Variants in TMEM106B observed in about 807,000 individuals in gnomAD.
The protein encoded by TMEM106B is transmembrane protein 106B.
In TMEM106B, 15 loss-of-function variants were observed where a neutral mutation model predicts 31.1. The ratio of observed to expected loss-of-function variants is 0.48; its 90% CI spans 0.32 to 0.74. The LOEUF is 0.74. TMEM106B is among the 30% of genes least tolerant of loss of function. The pLI is 0.03. For synonymous variants in TMEM106B, 126 were observed against 112.5 expected, an observed-to-expected ratio of 1.12 and a Z score of -0.76; for missense variants, 283 against 327.3, an observed-to-expected ratio of 0.86 and a Z score of 1.04.
intron 2 of TMEM106B, among the ~76,000 whole-genome samples, chr7:12,216,380 G>GA (rs5882345): frequency 5.3e-5 from 8 of 150,318 alleles, no homozygotes; most frequent in Non-Finnish European, 7.4e-5. Flanking sequence ...TATTAAAATT[G>GA]AAAAAAAAAA....
At chr7:12,217,991 C>T (rs1781720495) in intron 2 of TMEM106B, among the ~76,000 whole-genome samples, 1 of 152,070 alleles carries the variant, frequency 6.6e-6, no homozygotes, top group Admixed American at 6.6e-5. Flanking sequence ...AAGCTTGAGA[C>T]TTCTACTTCA....
chr7:12,234,934 C>G lies in TMEM106B; in HGVS notation c.*2959C>G, dbSNP rs568967851. ...GGACTGGCTGAAGATCACGTACTTACTAAGTAGTACAACTGGAGCAAGATC... is the reference window on the plus strand; with the variant it reads ...GGACTGGCTGAAGATCACGTACTTAGTAAGTAGTACAACTGGAGCAAGATC... On this transcript the variant is annotated 3_prime_UTR_variant, in exon 8 of 8. Coordinates refer to ENST00000396668, the MANE Select transcript of TMEM106B (RefSeq NM_001134232.2). The G allele has an allele frequency of 6.6e-6, 1 of 151,828 alleles. No homozygotes were observed. Among genetic ancestry groups the G allele is most frequent in the African/African-American group, 2.4e-5 (1 of 41,412 alleles). The allele number at this position is 151,828 out of a possible 1,614,324, so 9.4% of individuals were successfully genotyped here. A position where few individuals can be genotyped will look rare whatever the true frequency, so the allele number is the denominator to read the frequency against.
chr7:12,224,912 C>G (rs753274285), intron 4 of TMEM106B, among the ~76,000 whole-genome samples: 3 of 151,442 alleles, frequency 2.0e-5, no homozygotes, highest in Admixed American at 6.6e-5. Context: ...TACATGTGCA[C>G]AGCATGCAGG....
Position 12,231,928 on chromosome 7 carries a change from C to A in TMEM106B, c.778C>A (p.Gln260Lys). 6.2e-7 allele frequency: 1 copy of A among 1,612,282 alleles called. No homozygotes were observed. The highest frequency in any genetic ancestry group is 8.5e-7 in the Non-Finnish European group (1 of 1,178,782). Residue 260 changes from glutamine to lysine, a missense_variant, in exon 8 of 8, where the codon CAG (glutamine) becomes AAG (lysine). Gln to Lys is a moderately conservative substitution (Grantham distance 53). Transcript: ENST00000396668. ...YVDCGRNTTY[Q>K]LGQSEYLNVL... Reference sequence around the variant, plus strand: ...CGACTGTGGAAGAAACACAACTTATCAGTTGGGGCAGTCTGAATATTTAAA... The same window carrying A: ...CGACTGTGGAAGAAACACAACTTATAAGTTGGGGCAGTCTGAATATTTAAA...
intron 1 of TMEM106B, chr7:12,214,081 G>A (rs1368275749): frequency 6.6e-6 from 1 of 152,118 alleles, no homozygotes; most frequent in African/African-American, 2.4e-5. Context: ...TCGACAGATA[G>A]CAGGCCCTGA....
intron 3 of TMEM106B, among the ~76,000 whole-genome samples, chr7:12,221,469 T>C (rs1781786375): frequency 6.6e-6 from 1 of 152,114 alleles, no homozygotes; most frequent in Non-Finnish European, 1.5e-5. Flanking sequence ...TCAAAGAAAT[T>C]GAATTTTCCA....
intron 5 of TMEM106B, 158 bp from the exon 6 acceptor site, chr7:12,230,216 AAAAAAGAAAAAAAAG>A (rs1781992443): frequency 1.5e-6 from 1 of 650,788 alleles, no homozygotes; most frequent in Admixed American, 2.6e-5. Flanking sequence ...ATCCTGTCTC[AAAAAAGAAAAAAAAG>A]AAAAAGAAAT....
Position 12,225,600 on chromosome 7 carries a change from T to G in TMEM106B, c.441+1215T>G, listed in dbSNP as rs184998949. Among the ~76,000 whole-genome samples the G allele has an allele frequency of 3.7e-3, 562 of 152,356 alleles. 5 individuals carry two copies. Among genetic ancestry groups the G allele is most frequent in the South Asian group, 0.014 (70 of 4,830 alleles). ...GATGATATCTCATTGTGGTTTTGAT[T>G]TGCATTTTTCTGATGGCCAGTGATG... On this transcript the variant is annotated intron_variant, in intron 4 of 7. Transcript: ENST00000396668.
At chr7:12,227,630 C>T (rs4721058) in intron 4 of TMEM106B, among the ~76,000 whole-genome samples, 62,251 of 150,082 alleles carry the variant, frequency 0.41, 13,954 homozygotes, top group African/African-American at 0.58. Context: ...ATTAGGAAAA[C>T]ATCTTTGTGC....
chr7:12,216,710 A>C (rs1000027806), intron 2 of TMEM106B, among the ~76,000 whole-genome samples: 8 of 152,164 alleles, frequency 5.3e-5, no homozygotes, highest in Non-Finnish European at 1.0e-4. Context: ...GAATGAGAGG[A>C]GGAAATCATT....
intron 4 of TMEM106B, among the ~76,000 whole-genome samples, chr7:12,227,510 G>A (rs1462458206): frequency 1.3e-5 from 2 of 152,010 alleles, no homozygotes; most frequent in Admixed American, 6.6e-5. Flanking sequence ...TTCAACTGAG[G>A]TCACAGTACA....
At chr7:12,230,806 A>T (rs1255194516) in intron 6 of TMEM106B, 4 of 341,684 alleles carry the variant, frequency 1.2e-5, no homozygotes, top group African/African-American at 8.5e-5. Flanking sequence ...TCAAAATTTC[A>T]GAAGATGAGC....
chr7:12,232,086 C>G lies in TMEM106B; in HGVS notation c.*111C>G. 9.8e-7 allele frequency: 1 copy of G among 1,022,562 alleles called. No individual in the cohort carries two copies. Among genetic ancestry groups the G allele is most frequent in the Non-Finnish European group, 1.4e-6 (1 of 721,896 alleles). The allele number at this position is 1,022,562 out of a possible 1,614,324, so 63.3% of individuals were successfully genotyped here. ...TTAAATTGAACAAACCTAAAGTTTA[C>G]ACTTCTAAGAGTACAGTTAAAAGTA... On this transcript the variant is annotated 3_prime_UTR_variant, in exon 8 of 8. Coordinates refer to ENST00000396668, the MANE Select transcript of TMEM106B (RefSeq NM_001134232.2).
At chr7:12,220,442 A>G (rs1207211256) in intron 3 of TMEM106B, among the ~76,000 whole-genome samples, 1 of 152,188 alleles carries the variant, frequency 6.6e-6, no homozygotes, top group African/African-American at 2.4e-5. Flanking sequence ...TGAGAAGAAA[A>G]AGGCCAACCT....
chr7:12,214,736 G>T, intron 1 of TMEM106B, 73 bp from the exon 2 acceptor site: 2 of 1,198,614 alleles, frequency 1.7e-6, no homozygotes, highest in South Asian at 3.0e-5. Context: ...ATTAATTAGT[G>T]TAAATATCTC....
chr7:12,218,373 G>C, intron 2 of TMEM106B, 85 bp from the exon 3 acceptor site: 4 of 1,115,862 alleles, frequency 3.6e-6, no homozygotes, highest in South Asian at 2.8e-5. Context: ...TGATATTCTG[G>C]TCTTTCCAAA....
At position 12,238,571 on chromosome 7, in the gene TMEM106B, A is replaced by T. The variant is rs1782184722; in HGVS notation, c.*6596A>T. The T allele has an allele frequency of 6.6e-6, 1 of 152,198 alleles. No homozygotes were observed. 9.4% of individuals were successfully genotyped at this position (152,198 alleles called of 1,614,324 possible). A position where few individuals can be genotyped will look rare whatever the true frequency, so the allele number is the denominator to read the frequency against. ...TCCATCAGAGGAATCACTACCTATG[A>T]CAGCTATGGTCTTACAAAATGTATT... On this transcript the variant is annotated 3_prime_UTR_variant, in exon 8 of 8. Coordinates refer to ENST00000396668, the MANE Select transcript of TMEM106B (RefSeq NM_001134232.2).
intron 3 of TMEM106B, among the ~76,000 whole-genome samples, chr7:12,222,636 G>A (rs1426169890): frequency 1.3e-5 from 2 of 152,190 alleles, no homozygotes; most frequent in South Asian, 2.1e-4. Context: ...CTATAAACGT[G>A]TTTAAATTTC....
At chr7:12,230,270 T>C in intron 5 of TMEM106B, 119 bp from the exon 6 acceptor site, 1 of 786,508 alleles carries the variant, frequency 1.3e-6, no homozygotes, top group Non-Finnish European at 2.2e-6. Context: ...AGATGAAATC[T>C]TTGAGAATCA....
Sources: gnomAD v4.1 joint callset for allele counts (sites outside exome capture counted in the v4.1 genomes callset) on GRCh38, gnomAD v4.1.1 for gene constraint, MANE v1.5 for transcripts, NCBI Gene and HGNC (gene_info 2026-07-23, HGNC 2026-07-21) for gene names.